The following SLC1A2 variants were observed in gnomAD, a reference collection of about 807,000 sequenced individuals.
The protein encoded by SLC1A2 is excitatory amino acid transporter 2.
A neutral mutation model predicts 48.8 loss-of-function variants in SLC1A2; 15 were observed. That is an observed-to-expected ratio of 0.31 (90% CI 0.21 to 0.47). The LOEUF (loss-of-function observed/expected upper bound fraction) is 0.47, where lower values mean the gene tolerates loss of function less well. Among genes scored for constraint, SLC1A2 ranks in the 20% least tolerant of loss-of-function variants. SLC1A2 has a pLI of 0.99. For missense variants in SLC1A2, 502 were observed against 730.5 expected (o/e 0.69, Z 3.61); for synonymous variants, 279 against 272.6 (o/e 1.02, Z -0.23).
At chr11:35,319,498 T>C (rs1355091917) in intron 1 of SLC1A2, among the ~76,000 whole-genome samples, 1 of 152,226 alleles carries the variant, frequency 6.6e-6, no homozygotes, top group African/African-American at 2.4e-5. Context: ...TTCTGCTTCA[T>C]TTGAATCCCT....
intron 1 of SLC1A2, among the ~76,000 whole-genome samples, chr11:35,368,133 A>C (rs1417011183): frequency 6.6e-6 from 1 of 152,214 alleles, no homozygotes; most frequent in Non-Finnish European, 1.5e-5. Context: ...ATAGGACATA[A>C]CTTAATCCCT....
intron 1 of SLC1A2, among the ~76,000 whole-genome samples, chr11:35,325,320 T>C (rs1387245775): frequency 6.6e-6 from 1 of 152,198 alleles, no homozygotes; most frequent in African/African-American, 2.4e-5. Context: ...CAGGTTTGCT[T>C]TGTAGATGCA....
intron 1 of SLC1A2, among the ~76,000 whole-genome samples, chr11:35,365,591 G>A (rs952783178): frequency 1.8e-4 from 15 of 84,458 alleles, no homozygotes; most frequent in Admixed American, 1.6e-3. Context: ...TTAAAACCCC[G>A]CTCTGCTGTC....
intron 1 of SLC1A2, among the ~76,000 whole-genome samples, chr11:35,404,081 T>C (rs1346085010): frequency 6.6e-6 from 1 of 151,888 alleles, no homozygotes; most frequent in African/African-American, 2.4e-5. Context: ...TTGCTTCCCA[T>C]TGGGTTAAAA....
intron 6 of SLC1A2, among the ~76,000 whole-genome samples, chr11:35,296,944 A>G (rs1851193222): frequency 6.6e-6 from 1 of 152,084 alleles, no homozygotes; most frequent in Admixed American, 6.6e-5. Flanking sequence ...TGTAAGCTCC[A>G]CAAGGGCCAG....
At chr11:35,317,993 T>G (rs184463617) in intron 1 of SLC1A2, among the ~76,000 whole-genome samples, 1 of 152,210 alleles carries the variant, frequency 6.6e-6, no homozygotes, top group Non-Finnish European at 1.5e-5. Context: ...CATCCTGACA[T>G]GTAAACGTCA....
intron 1 of SLC1A2, among the ~76,000 whole-genome samples, chr11:35,333,278 G>A (rs1405134604): frequency 6.6e-6 from 1 of 152,116 alleles, no homozygotes; most frequent in African/African-American, 2.4e-5. Flanking sequence ...TTAGCCAGGT[G>A]TGGTGGTGCA....
chr11:35,289,942 A>G (rs1292183286), intron 7 of SLC1A2, among the ~76,000 whole-genome samples: 1 of 152,212 alleles, frequency 6.6e-6, no homozygotes, highest in Non-Finnish European at 1.5e-5. Context: ...CAACAGGAAA[A>G]TGACCAAGTT....
chr11:35,402,880 C>T (rs1004663417), intron 1 of SLC1A2, among the ~76,000 whole-genome samples: 2 of 152,240 alleles, frequency 1.3e-5, no homozygotes, highest in Non-Finnish European at 2.9e-5. Context: ...CAACCCTTCG[C>T]TAGAGCAAAT....
chr11:35,341,275 G>A (rs1469069671), intron 1 of SLC1A2, among the ~76,000 whole-genome samples: 5 of 152,108 alleles, frequency 3.3e-5, no homozygotes, highest in Non-Finnish European at 7.4e-5. Context: ...ATCGAGGAAA[G>A]TGAACTTGGG....
At chr11:35,349,124 A>G (rs1433234763) in intron 1 of SLC1A2, among the ~76,000 whole-genome samples, 3 of 152,154 alleles carry the variant, frequency 2.0e-5, no homozygotes, top group African/African-American at 7.2e-5. Flanking sequence ...TGAATCTGGC[A>G]GCAGCAATGA....
intron 1 of SLC1A2, among the ~76,000 whole-genome samples, chr11:35,411,912 T>C (rs757082388): frequency 3.4e-4 from 51 of 152,120 alleles, no homozygotes; most frequent in Middle Eastern, 3.2e-3. Context: ...GTTGCTGTCC[T>C]TCTTAAGGCA....
At chr11:35,352,349 C>G (rs1157459859) in intron 1 of SLC1A2, 1 of 152,184 alleles carries the variant, frequency 6.6e-6, no homozygotes, top group Non-Finnish European at 1.5e-5. Context: ...CTTAACACAT[C>G]CACGGTCCCT....
chr11:35,362,026 T>C (rs1056616830), intron 1 of SLC1A2, among the ~76,000 whole-genome samples: 3 of 152,172 alleles, frequency 2.0e-5, no homozygotes, highest in Admixed American at 2.0e-4. Context: ...ATTGGTAGGA[T>C]TCAGGCTGCT....
chr11:35,375,475 G>A (rs886474847), intron 1 of SLC1A2, among the ~76,000 whole-genome samples: 3 of 152,222 alleles, frequency 2.0e-5, no homozygotes, highest in African/African-American at 4.8e-5. Flanking sequence ...CCATTTCTGA[G>A]TAGATCTCAC....
intron 1 of SLC1A2, among the ~76,000 whole-genome samples, chr11:35,408,245 C>T (rs138520242): frequency 1.1e-3 from 163 of 152,268 alleles, no homozygotes; most frequent in African/African-American, 3.7e-3. Context: ...TAATCTCCCA[C>T]CTAAACTATT....
chr11:35,365,186 G>T (rs1405869325), intron 1 of SLC1A2, among the ~76,000 whole-genome samples: 1 of 152,204 alleles, frequency 6.6e-6, no homozygotes. Flanking sequence ...GAATAAGCTG[G>T]CTTTCTCCCT....
At chr11:35,322,517 T>C (rs869102959) in intron 1 of SLC1A2, 47 of 1,198,044 alleles carry the variant, frequency 3.9e-5, no homozygotes, top group Non-Finnish European at 5.1e-5. Context: ...GCAACTGGTG[T>C]GTTTCTCCTG....
At chr11:35,286,054 A>T (rs908234207) in intron 8 of SLC1A2, 4 of 151,736 alleles carry the variant, frequency 2.6e-5, no homozygotes, top group Admixed American at 1.3e-4. Context: ...CCTATAAGCA[A>T]GAAACAGAGT....
Sources: allele counts gnomAD v4.1 joint callset (sites outside exome capture counted in the v4.1 genomes callset), GRCh38; gene constraint gnomAD v4.1.1; transcripts MANE v1.5; gene names NCBI Gene and HGNC (gene_info 2026-07-23, HGNC 2026-07-21).